Variants in HS6ST2 observed in about 807,000 individuals in gnomAD.
The protein encoded by HS6ST2 is heparan sulfate 6-O-sulfotransferase 2, also known as heparan-sulfate 6-O-sulfotransferase 2.
In HS6ST2, 17 loss-of-function variants were observed where a neutral mutation model predicts 33.0. That is an observed-to-expected ratio of 0.52 (90% CI 0.35 to 0.77). HS6ST2 has a LOEUF of 0.77. HS6ST2 is among the 30% of genes least tolerant of loss of function. The pLI is 0.01. For synonymous variants in HS6ST2, 248 were observed against 237.1 expected, an observed-to-expected ratio of 1.05 and a Z score of -0.42; for missense variants, 519 against 551.7, an observed-to-expected ratio of 0.94 and a Z score of 0.59.
chrX:132,940,322 C>T (rs1418750821), intron 2 of HS6ST2, among the ~76,000 whole-genome samples: 1 of 111,906 alleles, frequency 8.9e-6, no homozygotes, highest in East Asian at 2.8e-4. Context: ...GATCATTGAC[C>T]TTACTGTAAA....
chrX:132,660,871 A>G, intron 4 of HS6ST2, among the ~76,000 whole-genome samples: 1 of 112,006 alleles, frequency 8.9e-6, no homozygotes, highest in East Asian at 2.8e-4. Flanking sequence ...TTAATTGACT[A>G]CTCACAGTTC....
At chrX:132,719,887 G>A (rs781108633) in intron 2 of HS6ST2, among the ~76,000 whole-genome samples, 3 of 112,280 alleles carry the variant, frequency 2.7e-5, no homozygotes, top group Admixed American at 9.4e-5. Context: ...CAACTCCTTC[G>A]TAACCACAGA....
intron 2 of HS6ST2, among the ~76,000 whole-genome samples, chrX:132,923,535 C>T (rs1406844057): frequency 8.9e-6 from 1 of 111,872 alleles, no homozygotes; most frequent in Non-Finnish European, 1.9e-5. Flanking sequence ...TTTGCTCCCC[C>T]AGTGATGTAT....
intron 2 of HS6ST2, among the ~76,000 whole-genome samples, chrX:132,912,341 C>G (rs752462658): frequency 1.1e-3 from 126 of 112,522 alleles, no homozygotes; most frequent in Non-Finnish European, 2.1e-3. Context: ...ACATTTCTGT[C>G]CCAAGATCAC....
chrX:132,877,686 C>G (rs1414429125), intron 2 of HS6ST2, among the ~76,000 whole-genome samples: 1 of 111,422 alleles, frequency 9.0e-6, no homozygotes, highest in Non-Finnish European at 1.9e-5. Context: ...ATGTAAGACA[C>G]TGTAGGATCG....
intron 2 of HS6ST2, among the ~76,000 whole-genome samples, chrX:132,901,674 C>A (rs757040710): frequency 9.0e-6 from 1 of 111,504 alleles, no homozygotes; most frequent in African/African-American, 3.3e-5. Context: ...TATGCCTTGG[C>A]AGTTTAAGGG....
intron 2 of HS6ST2, among the ~76,000 whole-genome samples, chrX:132,835,512 C>T (rs2065632910): frequency 8.9e-6 from 1 of 112,221 alleles, no homozygotes; most frequent in Non-Finnish European, 1.9e-5. Context: ...GGACGTCCTT[C>T]TCCAAATTGT....
Position 132,911,671 on chromosome X carries a change from C to T in HS6ST2, c.947+45137G>A, listed in dbSNP as rs760227390. On this transcript the variant is annotated intron_variant, in intron 2 of 4. Transcript: ENST00000370833. ...TTTTTTTTTTTGAGACGGAGTCTCG[C>T]TCTGTTGTCCAGGCTGGAGTGCAGT... Among the ~76,000 whole-genome samples, 21 of 34,555 alleles carry T rather than the reference C, an allele frequency of 6.1e-4. No homozygotes were observed. The East Asian group carries it at 0.017, about 27-fold the overall frequency. 30.0% of individuals were successfully genotyped at this position (34,555 alleles called of 115,157 possible). A position where few individuals can be genotyped will look rare whatever the true frequency, so the allele number is the denominator to read the frequency against.
At chrX:132,721,746 A>G (rs778173719) in intron 2 of HS6ST2, among the ~76,000 whole-genome samples, 2 of 112,226 alleles carry the variant, frequency 1.8e-5, no homozygotes, top group Admixed American at 1.9e-4. Context: ...GACTCAATGC[A>G]TTATTTATTT....
chrX:132,728,540 C>A lies in HS6ST2; in HGVS notation c.948-20046G>T, dbSNP rs778529006. 2.7e-5 allele frequency among the ~76,000 whole-genome samples: 3 copies of A among 112,178 alleles called. No homozygotes were observed. The Admixed American group carries it at 2.8e-4, about 11-fold the overall frequency. On this transcript the variant is annotated intron_variant, in intron 2 of 4. Coordinates refer to ENST00000370833, the MANE Select transcript of HS6ST2 (RefSeq NM_001394073.1). The stretch of plus-strand genomic sequence containing the variant: ...GTTGGCAAGATGGCTGTGGAATTGT[C>A]CCCTGACCCACATAGATGGGATTCA...
chrX:132,792,019 T>A (rs2148343602), intron 2 of HS6ST2, among the ~76,000 whole-genome samples: 1 of 112,209 alleles, frequency 8.9e-6, no homozygotes, highest in South Asian at 3.7e-4. Flanking sequence ...TATATAAACA[T>A]TAAAAATTAC....
intron 2 of HS6ST2, among the ~76,000 whole-genome samples, chrX:132,800,644 C>T (rs762373515): frequency 2.1e-4 from 23 of 110,675 alleles, no homozygotes; most frequent in Admixed American, 2.9e-4. Context: ...CAGAGCCTAC[C>T]GTGCAGTGGA....
chrX:132,745,684 A>T (rs896944537), intron 2 of HS6ST2, among the ~76,000 whole-genome samples: 1 of 111,962 alleles, frequency 8.9e-6, no homozygotes, highest in Admixed American at 9.5e-5. Flanking sequence ...TCTGGTTTCA[A>T]GGGTCACTGG....
intron 2 of HS6ST2, among the ~76,000 whole-genome samples, chrX:132,716,315 T>C (rs1188265393): frequency 1.8e-5 from 2 of 112,254 alleles, no homozygotes; most frequent in African/African-American, 6.5e-5. Context: ...ATACATTGTT[T>C]CTGAAAACAT....
intron 2 of HS6ST2, among the ~76,000 whole-genome samples, chrX:132,843,645 C>T (rs1210777245): frequency 9.0e-6 from 1 of 111,479 alleles, no homozygotes; most frequent in Non-Finnish European, 1.9e-5. Context: ...TTGGGCATTA[C>T]TAGAAATATA....
At position 132,679,196 on chromosome X, in the gene HS6ST2, C is replaced by A. The variant is rs190501396; in HGVS notation, c.981-9997G>T. Among the ~76,000 whole-genome samples the A allele has an allele frequency of 5.5e-3, 621 of 112,285 alleles. 1 individual carries two copies. The highest frequency in any genetic ancestry group is 7.9e-3 in the Non-Finnish European group (423 of 53,252). On this transcript the variant is annotated intron_variant, in intron 3 of 4. Coordinates refer to ENST00000370833, the MANE Select transcript of HS6ST2 (RefSeq NM_001394073.1). ...ATGCTGTAACATGAATTAATTGTGG[C>A]TCCATTTGCCAATATCAGCCATACA...
At chrX:132,859,586 GAAGAA>G (rs749358893) in intron 2 of HS6ST2, among the ~76,000 whole-genome samples, 35 of 98,784 alleles carry the variant, frequency 3.5e-4, no homozygotes, top group African/African-American at 1.2e-3. Context: ...CTTAGGAAAA[GAAGAA>G]AAGAAAAGAG....
chrX:132,757,213 G>T (rs1168787090), intron 2 of HS6ST2, among the ~76,000 whole-genome samples: 3 of 111,878 alleles, frequency 2.7e-5, no homozygotes. Context: ...AGGAAGCTGA[G>T]GCTGAAGGAG....
intron 2 of HS6ST2, among the ~76,000 whole-genome samples, chrX:132,793,112 G>A (rs1399361285): frequency 1.1e-5 from 1 of 90,041 alleles, no homozygotes; most frequent in Non-Finnish European, 2.1e-5. Flanking sequence ...TCAGGCTGGA[G>A]TGCAGTGGCG....
Sources: allele counts gnomAD v4.1 joint callset (sites outside exome capture counted in the v4.1 genomes callset), GRCh38; gene constraint gnomAD v4.1.1; transcripts MANE v1.5; gene names NCBI Gene and HGNC (gene_info 2026-07-23, HGNC 2026-07-21).